The following CSMD1 variants were observed in gnomAD, a reference collection of about 807,000 sequenced individuals.
CSMD1 encodes CUB and Sushi multiple domains 1, also known as CUB and sushi domain-containing protein 1.
A neutral mutation model predicts 417.5 loss-of-function variants in CSMD1; 213 were observed. The observed-to-expected ratio is 0.51, with a 90% CI of 0.46 to 0.57. CSMD1 has a LOEUF of 0.57. Among genes scored for constraint, CSMD1 ranks in the 20% least tolerant of loss-of-function variants. The pLI is 0.00. For synonymous variants in CSMD1, 2,862 were observed against 1,736.8 expected, an observed-to-expected ratio of 1.65 and a Z score of -16.11; for missense variants, 6,923 against 4,529.7, an observed-to-expected ratio of 1.53 and a Z score of -15.17.
intron 6 of CSMD1, among the ~76,000 whole-genome samples, chr8:3,724,606 T>C (rs544077705): frequency 1.3e-5 from 2 of 152,152 alleles, no homozygotes; most frequent in Non-Finnish European, 2.9e-5. Flanking sequence ...GGAATGAGAA[T>C]TGGCCTCTGG....
chr8:3,121,598 C>T lies in CSMD1; in HGVS notation c.6242-3011G>A, dbSNP rs1190814774. On this transcript the variant is annotated intron_variant, in intron 41 of 69. Coordinates refer to ENST00000635120, the MANE Select transcript of CSMD1 (RefSeq NM_033225.6). ...CTCATTACTAACAGAGCTTTGGGGG[C>T]TCCCTAAGAGCTCCAGACATCACCT... 2.0e-5 allele frequency among the ~76,000 whole-genome samples: 3 copies of T among 152,244 alleles called. No individual in the cohort carries two copies. The East Asian group carries it at 5.8e-4, about 29-fold the overall frequency.
chr8:3,727,510 T>C (rs1802562676), intron 6 of CSMD1, among the ~76,000 whole-genome samples: 1 of 152,216 alleles, frequency 6.6e-6, no homozygotes, highest in Admixed American at 6.5e-5. Flanking sequence ...CATGCACTGC[T>C]GGTGTGAATG....
chr8:3,967,915 C>T (rs540203566), intron 5 of CSMD1, among the ~76,000 whole-genome samples: 2 of 150,444 alleles, frequency 1.3e-5, no homozygotes, highest in South Asian at 2.1e-4. Context: ...CACGTGTAAT[C>T]CCAGCACTTT....
At chr8:4,166,481 T>C (rs1012033344) in intron 3 of CSMD1, among the ~76,000 whole-genome samples, 5 of 152,202 alleles carry the variant, frequency 3.3e-5, no homozygotes, top group Admixed American at 2.6e-4. Context: ...TGGAGGCCAT[T>C]ACCCTAAGTT....
intron 2 of CSMD1, among the ~76,000 whole-genome samples, chr8:4,603,252 G>C (rs11996088): frequency 6.6e-6 from 1 of 151,944 alleles, no homozygotes; most frequent in Admixed American, 6.6e-5. Context: ...ATGACCTGCT[G>C]CAAATTTTTC....
intron 40 of CSMD1, among the ~76,000 whole-genome samples, chr8:3,143,301 TG>T (rs1450105451): frequency 6.6e-6 from 1 of 152,188 alleles, no homozygotes; most frequent in African/African-American, 2.4e-5. Context: ...CATTTTCTAT[TG>T]TGTTACGTGT....
chr8:3,509,194 G>A (rs75597577), intron 10 of CSMD1, among the ~76,000 whole-genome samples: 8 of 152,228 alleles, frequency 5.3e-5, no homozygotes, highest in African/African-American at 1.4e-4. Flanking sequence ...GATTGGTTTC[G>A]GAAATCTGGG....
chr8:3,670,550 C>T (rs62474693), intron 7 of CSMD1, among the ~76,000 whole-genome samples: 6 of 110,234 alleles, frequency 5.4e-5, no homozygotes, highest in Non-Finnish European at 1.0e-4. Context: ...ACATATATCC[C>T]ATATATATAT....
chr8:4,624,327 T>C (rs965739336), intron 2 of CSMD1, among the ~76,000 whole-genome samples: 1 of 152,108 alleles, frequency 6.6e-6, no homozygotes, highest in Admixed American at 6.6e-5. Flanking sequence ...TTCTTCGAGC[T>C]CTTGTCAAAT....
intron 5 of CSMD1, among the ~76,000 whole-genome samples, chr8:3,936,514 G>A (rs1051419145): frequency 6.6e-6 from 1 of 152,166 alleles, no homozygotes; most frequent in Non-Finnish European, 1.5e-5. Flanking sequence ...GGATCCTTAA[G>A]AATTCTGCTA....
chr8:4,088,354 G>C (rs1298289644), intron 3 of CSMD1, among the ~76,000 whole-genome samples: 1 of 152,204 alleles, frequency 6.6e-6, no homozygotes, highest in Non-Finnish European at 1.5e-5. Flanking sequence ...CAGCACAGAA[G>C]ACGGAAACGT....
At chr8:4,506,153 G>A (rs1483161671) in intron 2 of CSMD1, among the ~76,000 whole-genome samples, 1 of 152,078 alleles carries the variant, frequency 6.6e-6, no homozygotes, top group Non-Finnish European at 1.5e-5. Flanking sequence ...TTAGATTGGT[G>A]CAAAAGTAAT....
intron 3 of CSMD1, among the ~76,000 whole-genome samples, chr8:4,412,233 G>A (rs753106055): frequency 6.6e-6 from 1 of 152,046 alleles, no homozygotes; most frequent in Non-Finnish European, 1.5e-5. Context: ...GGTAGGGCCT[G>A]GTAGGAGGTG....
chr8:3,390,471 T>C (rs1020424484), intron 17 of CSMD1, among the ~76,000 whole-genome samples: 1 of 152,000 alleles, frequency 6.6e-6, no homozygotes, highest in Non-Finnish European at 1.5e-5. Flanking sequence ...CAATTTACCT[T>C]GTGGGAAAGG....
intron 3 of CSMD1, among the ~76,000 whole-genome samples, chr8:4,276,968 A>T (rs1010801519): frequency 6.6e-6 from 1 of 152,200 alleles, no homozygotes; most frequent in Non-Finnish European, 1.5e-5. Flanking sequence ...AAATGAAAAC[A>T]AACTACATAT....
At chr8:3,740,245 G>C (rs571920488) in intron 6 of CSMD1, among the ~76,000 whole-genome samples, 1 of 152,140 alleles carries the variant, frequency 6.6e-6, no homozygotes, top group Non-Finnish European at 1.5e-5. Flanking sequence ...TGCTGACACT[G>C]CAGGCACCTG....
At position 4,727,228 on chromosome 8, in the gene CSMD1, G is replaced by A. The variant is rs556755042; in HGVS notation, c.86-89670C>T. 5.0e-4 allele frequency among the ~76,000 whole-genome samples: 76 copies of A among 152,226 alleles called. 1 individual carries two copies. Among genetic ancestry groups the A allele is most frequent in the African/African-American group, 1.8e-3 (76 of 41,536 alleles). On this transcript the variant is annotated intron_variant, in intron 1 of 69. Coordinates refer to ENST00000635120, the MANE Select transcript of CSMD1 (RefSeq NM_033225.6). ...TCAATGATGAAGAGTCCACTCAGCA[G>A]GGCACCCAAGCATTTCTGTTTTCAC...
intron 21 of CSMD1, among the ~76,000 whole-genome samples, chr8:3,351,524 G>T (rs1808421136): frequency 6.6e-6 from 1 of 150,554 alleles, no homozygotes; most frequent in South Asian, 2.1e-4. Flanking sequence ...TTGAACCCAG[G>T]AAGCAGAAGT....
At chr8:4,267,657 C>T (rs1338117352) in intron 3 of CSMD1, among the ~76,000 whole-genome samples, 2 of 151,902 alleles carry the variant, frequency 1.3e-5, no homozygotes, top group Non-Finnish European at 2.9e-5. Flanking sequence ...TTGCATACTT[C>T]GTGTTTAGGC....
Sources: allele counts gnomAD v4.1 joint callset (sites outside exome capture counted in the v4.1 genomes callset), GRCh38; gene constraint gnomAD v4.1.1; transcripts MANE v1.5; gene names NCBI Gene and HGNC (gene_info 2026-07-23, HGNC 2026-07-21).